PARD3: variants seen among roughly 807,000 people sequenced by gnomAD.
PARD3 encodes the protein partitioning defective 3 homolog.
Under a neutral mutation model 155.4 loss-of-function variants are expected in PARD3, and 75 were observed. The ratio of observed to expected loss-of-function variants is 0.48; its 90% confidence interval spans 0.40 to 0.58. The LOEUF is 0.58. Among genes scored for constraint, PARD3 ranks in the 20% least tolerant of loss-of-function variants. The pLI, the probability that PARD3 is intolerant of heterozygous loss-of-function variation, is 0.00. For synonymous variants in PARD3, 576 were observed against 610.5 expected (o/e 0.94, Z 0.83); for missense variants, 1,642 against 1,721.7 (o/e 0.95, Z 0.82).
At chr10:34,320,004 G>A (rs1958278970) in intron 19 of PARD3, among the ~76,000 whole-genome samples, 2 of 151,994 alleles carry the variant, frequency 1.3e-5, no homozygotes. Context: ...CTCTTTATTT[G>A]TACAATCTTT....
At chr10:34,323,576 A>T (rs940450874) in intron 19 of PARD3, among the ~76,000 whole-genome samples, 4 of 152,216 alleles carry the variant, frequency 2.6e-5, no homozygotes, top group African/African-American at 4.8e-5. Context: ...TTTCATTTTT[A>T]AAAAACCTTT....
chr10:34,457,736 G>A (rs1333209617), intron 4 of PARD3, among the ~76,000 whole-genome samples: 1 of 152,106 alleles, frequency 6.6e-6, no homozygotes, highest in Non-Finnish European at 1.5e-5. Context: ...AAGTACCTAA[G>A]ACTACGGGTG....
intron 2 of PARD3, among the ~76,000 whole-genome samples, chr10:34,677,158 G>A (rs1349451323): frequency 1.3e-5 from 2 of 152,118 alleles, no homozygotes; most frequent in Admixed American, 6.6e-5. Context: ...CAGTATTTCA[G>A]TGTTGTCCAA....
At chr10:34,808,000 CA>C (rs1843615287) in intron 1 of PARD3, among the ~76,000 whole-genome samples, 1 of 152,158 alleles carries the variant, frequency 6.6e-6, no homozygotes, top group Non-Finnish European at 1.5e-5. Flanking sequence ...TAAGTTAAAA[CA>C]AAGTTATTTT....
rs1270252463 is a variant in PARD3 at position 34,183,743 on chromosome 10, G to A, written c.3420-52160C>T. Among the ~76,000 whole-genome samples, 5 of 152,204 alleles carry A rather than the reference G, an allele frequency of 3.3e-5. No individual in the cohort carries two copies. In the East Asian group the frequency reaches 5.8e-4, roughly 18 times the overall value. ...AGCAACCACTTTTCTGCCGCACACT[G>A]GGTTTCTCTTTGTTCCAAGCCCCCC... is the stretch of plus-strand genomic sequence containing the variant. On this transcript the variant is annotated intron_variant, in intron 22 of 24. Transcript: ENST00000374788.
At chr10:34,375,092 A>ACT (rs1179384651) in intron 10 of PARD3, 90 bp from the exon 11 acceptor site, 10 of 877,326 alleles carry the variant, frequency 1.1e-5, no homozygotes, top group Non-Finnish European at 1.8e-5. Context: ...ACACACACAC[A>ACT]CACTCTAGGA....
intron 1 of PARD3, among the ~76,000 whole-genome samples, chr10:34,810,505 T>C (rs1258337828): frequency 1.2e-4 from 18 of 152,168 alleles, no homozygotes; most frequent in Admixed American, 1.1e-3. Flanking sequence ...ATAATCAACC[T>C]GTAATCAAGC....
At chr10:34,362,016 G>A (rs1221176764) in intron 12 of PARD3, among the ~76,000 whole-genome samples, 2 of 152,086 alleles carry the variant, frequency 1.3e-5, no homozygotes, top group Non-Finnish European at 2.9e-5. Flanking sequence ...GGTGGCTCAC[G>A]CCCATAATCC....
In PARD3 at chr10:34,111,434, T is replaced by G; in HGVS notation, c.3797A>C (p.Tyr1266Ser). The change falls in exon 25 of 25, where the codon TAC becomes TCC. Residue 1266 changes from tyrosine (Y) to serine (S), a missense_variant. Coordinates refer to ENST00000374788, the MANE Select transcript of PARD3 (RefSeq NM_001184785.2). ...GGCGTTGAAGCCATGTCCTCCCAGG[T>G]AGCCGTTCCTGGAGCCTTGGTAGCT... ...YSSYQGSRNG[Y>S]LGGHGFNARV... 1.2e-6 allele frequency: 2 copies of G among 1,614,176 alleles called. No individual in the cohort carries two copies. The highest frequency in any genetic ancestry group is 1.7e-6 in the Non-Finnish European group (2 of 1,180,030).
At chr10:34,443,890 C>T (rs575242126) in intron 5 of PARD3, among the ~76,000 whole-genome samples, 23 of 152,292 alleles carry the variant, frequency 1.5e-4, no homozygotes, top group African/African-American at 5.3e-4. Context: ...AAAACTCTGG[C>T]CTCTGAGACT....
chr10:34,364,520 C>G (rs1010926788), intron 12 of PARD3, among the ~76,000 whole-genome samples: 3 of 151,916 alleles, frequency 2.0e-5, no homozygotes, highest in African/African-American at 7.3e-5. Context: ...ACCTTGAACT[C>G]CTGGACTCAA....
intron 2 of PARD3, among the ~76,000 whole-genome samples, chr10:34,593,062 G>A (rs1375995665): frequency 6.6e-6 from 1 of 152,220 alleles, no homozygotes; most frequent in African/African-American, 2.4e-5. Flanking sequence ...TGTAAAGGAA[G>A]AGGGTAGTGA....
chr10:34,187,868 T>G (rs1212569431), intron 22 of PARD3, among the ~76,000 whole-genome samples: 2 of 152,188 alleles, frequency 1.3e-5, no homozygotes, highest in Non-Finnish European at 2.9e-5. Flanking sequence ...ATAGTCAATC[T>G]AAGATGAACG....
At chr10:34,398,603 T>C (rs182552623) in intron 7 of PARD3, among the ~76,000 whole-genome samples, 265 of 152,316 alleles carry the variant, frequency 1.7e-3, no homozygotes, top group African/African-American at 5.9e-3. Flanking sequence ...AAGGATGCGG[T>C]GCACCTCACT....
At chr10:34,696,127 T>C (rs917019676) in intron 2 of PARD3, among the ~76,000 whole-genome samples, 191 bp downstream of exon 2, 1 of 152,140 alleles carries the variant, frequency 6.6e-6, no homozygotes, top group Non-Finnish European at 1.5e-5. Context: ...ATCAAGAAAA[T>C]CATTATACCT....
At chr10:34,525,973 C>T (rs1211142185) in intron 2 of PARD3, among the ~76,000 whole-genome samples, 3 of 149,180 alleles carry the variant, frequency 2.0e-5, no homozygotes, top group Non-Finnish European at 3.0e-5. Context: ...CTCAGCTACT[C>T]GGGAGGCTGA....
intron 14 of PARD3, among the ~76,000 whole-genome samples, chr10:34,348,494 CT>C (rs1428577382): frequency 1.3e-5 from 2 of 152,094 alleles, no homozygotes; most frequent in Non-Finnish European, 2.9e-5. Context: ...AAAAGGCGTG[CT>C]TGATCAGAAT....
chr10:34,311,779 T>C (rs1957713932), intron 20 of PARD3, among the ~76,000 whole-genome samples: 1 of 152,150 alleles, frequency 6.6e-6, no homozygotes, highest in African/African-American at 2.4e-5. Context: ...GTCTAAACTC[T>C]GTAATCCACA....
intron 1 of PARD3, among the ~76,000 whole-genome samples, chr10:34,790,953 G>C (rs1384017606): frequency 6.6e-6 from 1 of 152,146 alleles, no homozygotes; most frequent in Non-Finnish European, 1.5e-5. Context: ...GGAAGCGCAT[G>C]CGTGGCACGC....
Sources: allele counts gnomAD v4.1 joint callset (sites outside exome capture counted in the v4.1 genomes callset), GRCh38; gene constraint gnomAD v4.1.1; transcripts MANE v1.5; gene names NCBI Gene and HGNC (gene_info 2026-07-23, HGNC 2026-07-21).